FOCAD: variants seen among roughly 807,000 people sequenced by gnomAD.
The protein encoded by FOCAD is focadhesin, also known as KIAA1797.
FOCAD carries 198 observed loss-of-function variants against 225.6 expected under a neutral mutation model. The ratio of observed to expected loss-of-function variants is 0.88; its 90% CI spans 0.78 to 0.99. FOCAD has a LOEUF of 0.99. FOCAD is among the 50% of genes least tolerant of loss of function. The pLI is 0.00. For synonymous variants in FOCAD, 897 were observed against 755.0 expected, an observed-to-expected ratio of 1.19 and a Z score of -3.08; for missense variants, 2,713 against 2,123.6, an observed-to-expected ratio of 1.28 and a Z score of -5.46.
At chr9:20,817,508 A>G (rs754423986) in intron 11 of FOCAD, among the ~76,000 whole-genome samples, 18 of 151,660 alleles carry the variant, frequency 1.2e-4, no homozygotes, top group Non-Finnish European at 1.8e-4. Context: ...TGTAGCATGT[A>G]TCAGTACTTC....
intron 7 of FOCAD, among the ~76,000 whole-genome samples, chr9:20,765,932 A>C (rs987762616): frequency 1.3e-5 from 2 of 152,224 alleles, no homozygotes; most frequent in Admixed American, 6.5e-5. Flanking sequence ...TTGTGTTAGC[A>C]GGGAGTGACT....
intron 8 of FOCAD, among the ~76,000 whole-genome samples, chr9:20,774,380 A>G (rs1202076251): frequency 2.0e-5 from 3 of 152,184 alleles, no homozygotes; most frequent in African/African-American, 4.8e-5. Context: ...TTGGTACGCA[A>G]TGCCTAGTTC....
chr9:20,755,866 C>G (rs541367525), intron 5 of FOCAD, among the ~76,000 whole-genome samples: 2 of 152,138 alleles, frequency 1.3e-5, no homozygotes, highest in East Asian at 3.9e-4. Context: ...TGCTATGTTG[C>G]TCAGGCTGAT....
chr9:20,770,282 G>C (rs372465182), intron 8 of FOCAD, 44 bp downstream of exon 8: 1 of 1,513,046 alleles, frequency 6.6e-7, no homozygotes, highest in African/African-American at 1.4e-5. Context: ...TTGCTATTAA[G>C]AAATACCTGA....
chr9:20,902,686 C>T (rs895940559), intron 21 of FOCAD, among the ~76,000 whole-genome samples: 9 of 151,726 alleles, frequency 5.9e-5, no homozygotes, highest in African/African-American at 2.2e-4. Flanking sequence ...TCAGATAGGA[C>T]TAAACCAATA....
At chr9:20,710,465 C>A (rs1045153261) in intron 1 of FOCAD, among the ~76,000 whole-genome samples, 2 of 151,622 alleles carry the variant, frequency 1.3e-5, no homozygotes, top group Non-Finnish European at 2.9e-5. Flanking sequence ...GGCGTGGTGG[C>A]GGGCACCTGT....
At chr9:20,690,649 A>G (rs1369372502) in intron 1 of FOCAD, among the ~76,000 whole-genome samples, 1 of 152,102 alleles carries the variant, frequency 6.6e-6, no homozygotes, top group Non-Finnish European at 1.5e-5. Context: ...CCTGGGCTCA[A>G]GTGGTACTTC....
intron 1 of FOCAD, among the ~76,000 whole-genome samples, chr9:20,693,167 C>G (rs1823078411): frequency 6.6e-6 from 1 of 152,058 alleles, no homozygotes. Flanking sequence ...TTTACAGCCA[C>G]TCTCTCTCTC....
At chr9:20,755,757 A>G (rs1362832941) in intron 5 of FOCAD, among the ~76,000 whole-genome samples, 3 of 152,296 alleles carry the variant, frequency 2.0e-5, no homozygotes, top group Admixed American at 6.5e-5. Context: ...AGCTGCTGAA[A>G]TAATTGTAGG....
intron 5 of FOCAD, among the ~76,000 whole-genome samples, chr9:20,741,970 ATAATTCACAT>A (rs1212371453): frequency 2.0e-5 from 3 of 152,214 alleles, no homozygotes; most frequent in African/African-American, 7.2e-5. Context: ...TTATGGAGAT[ATAATTCACAT>A]ATGAGTGACC....
In FOCAD at chr9:20,934,524, TC is replaced by T. The variant is rs200281604; in HGVS notation, c.3407+1422del. On this transcript the variant is annotated intron_variant, in intron 28 of 43. Transcript: ENST00000338382. The stretch of plus-strand genomic sequence containing the variant: ...CCTTTACCCACTTGATGTTTTTTTT[TC>T]TTTGATTTGTTGAAGATCCGTTGGC... Among the ~76,000 whole-genome samples the T allele has an allele frequency of 7.5e-4, 113 of 150,780 alleles. 1 individual carries two copies. In the East Asian group the frequency reaches 9.1e-3, roughly 12 times the overall value.
At chr9:20,902,457 G>A (rs1440849503) in intron 21 of FOCAD, among the ~76,000 whole-genome samples, 1 of 151,878 alleles carries the variant, frequency 6.6e-6, no homozygotes, top group Non-Finnish European at 1.5e-5. Flanking sequence ...TTGGTTAAAG[G>A]TCTTGGCCAG....
intron 8 of FOCAD, among the ~76,000 whole-genome samples, chr9:20,770,970 C>T (rs990257652): frequency 1.4e-4 from 21 of 151,984 alleles, no homozygotes; most frequent in African/African-American, 4.4e-4. Context: ...GACTTACAGA[C>T]ATGCAAATAA....
At chr9:20,881,849 G>T (rs1367826943) in intron 19 of FOCAD, 22 bp from the exon 20 acceptor site, 1 of 1,603,266 alleles carries the variant, frequency 6.2e-7, no homozygotes, top group East Asian at 2.2e-5. Context: ...TCTACTTTTG[G>T]TCTCCTTTTA....
chr9:20,792,701 T>G (rs1363782132), intron 11 of FOCAD, among the ~76,000 whole-genome samples: 1 of 152,228 alleles, frequency 6.6e-6, no homozygotes, highest in African/African-American at 2.4e-5. Context: ...TCTTCGATTA[T>G]TTTATTCTTT....
At chr9:20,909,024 G>T (rs1053517680) in intron 22 of FOCAD, among the ~76,000 whole-genome samples, 1 of 151,982 alleles carries the variant, frequency 6.6e-6, no homozygotes, top group Non-Finnish European at 1.5e-5. Context: ...TGGAGAAAGG[G>T]ATGAAGAGCT....
chr9:20,822,754 T>C (rs1273778664), intron 14 of FOCAD, among the ~76,000 whole-genome samples: 2 of 152,010 alleles, frequency 1.3e-5, no homozygotes, highest in Non-Finnish European at 2.9e-5. Context: ...TGAATGAAAT[T>C]TGTTAAAAAG....
chr9:20,735,462 A>G lies in FOCAD; in HGVS notation c.288-4774A>G, dbSNP rs150529004. 3.7e-3 allele frequency among the ~76,000 whole-genome samples: 559 copies of G among 150,686 alleles called. 5 individuals carry two copies. The highest frequency in any genetic ancestry group is 0.013 in the African/African-American group (517 of 41,092). ...TACATGCTTTTTATTTCTTCAGTCA[A>G]TCCTTCCTTCCTTCCTTCCTTCCGC... On this transcript the variant is annotated intron_variant, in intron 4 of 43. Coordinates refer to ENST00000338382, the MANE Select transcript of FOCAD (RefSeq NM_001375567.1).
intron 22 of FOCAD, among the ~76,000 whole-genome samples, chr9:20,910,958 TAAG>T (rs1157686248): frequency 6.6e-6 from 1 of 152,112 alleles, no homozygotes; most frequent in African/African-American, 2.4e-5. Context: ...TAGGCCTTCT[TAAG>T]AAGGTGCATG....
Sources: gnomAD v4.1 joint callset for allele counts (sites outside exome capture counted in the v4.1 genomes callset) on GRCh38, gnomAD v4.1.1 for gene constraint, MANE v1.5 for transcripts, NCBI Gene and HGNC (gene_info 2026-07-23, HGNC 2026-07-21) for gene names.